The following CHD6 variants were observed in gnomAD, a reference collection of about 807,000 sequenced individuals.
CHD6 encodes the protein chromodomain helicase DNA binding protein 6.
A neutral mutation model predicts 276.9 loss-of-function variants in CHD6; 50 were observed. The ratio of observed to expected loss-of-function variants is 0.18; its 90% CI spans 0.14 to 0.23. CHD6 has a LOEUF of 0.23. Ranked by LOEUF, CHD6 falls within the 10% of genes least tolerant of loss-of-function variation. The pLI is 1.00. For synonymous variants in CHD6, 1,173 were observed against 1,229.3 expected (o/e 0.95, Z 0.96); for missense variants, 2,564 against 3,365.8 (o/e 0.76, Z 5.89).
intron 5 of CHD6, among the ~76,000 whole-genome samples, chr20:41,511,356 T>C (rs12625752): frequency 0.13 from 20,382 of 152,200 alleles, 1,594 homozygotes; most frequent in East Asian, 0.18. Context: ...CCCTCCTACA[T>C]GCACAGCCTG....
At chr20:41,504,401 T>G (rs1277369379) in intron 5 of CHD6, among the ~76,000 whole-genome samples, 1 of 136,072 alleles carries the variant, frequency 7.3e-6, no homozygotes, top group Non-Finnish European at 1.6e-5. Context: ...TTCCTCTATT[T>G]TCTTTTTTTT....
intron 16 of CHD6, among the ~76,000 whole-genome samples, chr20:41,480,396 A>T (rs2043267810): frequency 6.6e-6 from 1 of 152,230 alleles, no homozygotes; most frequent in Non-Finnish European, 1.5e-5. Context: ...ATAGAAAAAT[A>T]AGCAATCAAA....
At chr20:41,569,782 T>G (rs956553727) in intron 1 of CHD6, among the ~76,000 whole-genome samples, 1 of 152,170 alleles carries the variant, frequency 6.6e-6, no homozygotes, top group Non-Finnish European at 1.5e-5. Context: ...ACTATTTACA[T>G]ATAGCATTTA....
chr20:41,458,430 T>C (rs889415161), intron 17 of CHD6, among the ~76,000 whole-genome samples: 1 of 152,232 alleles, frequency 6.6e-6, no homozygotes, highest in Admixed American at 6.5e-5. Flanking sequence ...CACATTTGGC[T>C]CATGGGAGCC....
chr20:41,609,258 G>A (rs1320931363), intron 1 of CHD6, among the ~76,000 whole-genome samples: 2 of 152,142 alleles, frequency 1.3e-5, no homozygotes, highest in Non-Finnish European at 2.9e-5. Flanking sequence ...CCTGGGCAAC[G>A]TAAGAGACCC....
chr20:41,566,017 G>T (rs983716488), intron 1 of CHD6, among the ~76,000 whole-genome samples: 1 of 152,078 alleles, frequency 6.6e-6, no homozygotes, highest in Non-Finnish European at 1.5e-5. Flanking sequence ...GTAAGACAAC[G>T]CATTTGGTTT....
intron 8 of CHD6, among the ~76,000 whole-genome samples, chr20:41,494,861 G>C (rs550310920): frequency 6.6e-6 from 1 of 152,128 alleles, no homozygotes; most frequent in Non-Finnish European, 1.5e-5. Flanking sequence ...ATTCACTGTC[G>C]AAACAGCTTT....
chr20:41,552,533 T>C (rs1422158677), intron 1 of CHD6, among the ~76,000 whole-genome samples: 5 of 152,192 alleles, frequency 3.3e-5, no homozygotes, highest in Non-Finnish European at 7.3e-5. Flanking sequence ...CAACCATAAT[T>C]TGTCAATTTG....
chr20:41,414,247 T>C (rs1033268944), intron 34 of CHD6: 5 of 152,218 alleles, frequency 3.3e-5, no homozygotes, highest in East Asian at 1.9e-4. Context: ...TCTCAGCCCC[T>C]AGAGAAAAAG....
At chr20:41,414,853 A>G (rs749435305) in intron 34 of CHD6, 45 of 1,182,302 alleles carry the variant, frequency 3.8e-5, no homozygotes, top group Non-Finnish European at 4.6e-5. Context: ...TACCCCGGAG[A>G]AAAGCCGCTG....
At chr20:41,492,040 C>T (rs1041353721) in intron 10 of CHD6, among the ~76,000 whole-genome samples, 3 of 152,176 alleles carry the variant, frequency 2.0e-5, no homozygotes, top group African/African-American at 7.2e-5. Context: ...TTACAATTAG[C>T]TTCAGAATGA....
intron 3 of CHD6, among the ~76,000 whole-genome samples, chr20:41,521,247 A>T (rs751228359): frequency 5.3e-5 from 8 of 152,244 alleles, no homozygotes; most frequent in African/African-American, 9.6e-5. Context: ...TTAATTGATT[A>T]ACACAGCATT....
chr20:41,456,024 G>A, intron 18 of CHD6, 45 bp from the exon 19 acceptor site: 2 of 1,451,374 alleles, frequency 1.4e-6, no homozygotes, highest in Middle Eastern at 1.9e-4. Flanking sequence ...AAAATGTATA[G>A]GAGAAAAACA....
intron 1 of CHD6, among the ~76,000 whole-genome samples, chr20:41,574,848 C>G (rs1479430365): frequency 6.6e-6 from 1 of 152,168 alleles, no homozygotes; most frequent in African/African-American, 2.4e-5. Context: ...AAGGCCGATT[C>G]ACGCCTACAG....
At chr20:41,536,718 T>C (rs1285154106) in intron 2 of CHD6, among the ~76,000 whole-genome samples, 1 of 152,154 alleles carries the variant, frequency 6.6e-6, no homozygotes. Flanking sequence ...TTAAAAAAAA[T>C]TAAGCATATT....
At chr20:41,432,160 CAAAAAAAAA>C (rs572447937) in intron 27 of CHD6, among the ~76,000 whole-genome samples, 3 of 58,978 alleles carry the variant, frequency 5.1e-5, no homozygotes, top group South Asian at 6.5e-4. Context: ...AACTCCGTCT[CAAAAAAAAA>C]AAAAAAAAAA....
intron 2 of CHD6, among the ~76,000 whole-genome samples, chr20:41,549,108 A>G (rs2045102405): frequency 1.3e-5 from 2 of 151,992 alleles, no homozygotes; most frequent in Non-Finnish European, 2.9e-5. Flanking sequence ...ATCTAGAACT[A>G]GAAATACCAT....
intron 1 of CHD6, among the ~76,000 whole-genome samples, chr20:41,579,437 C>CAAAAAAAAAAAAAAAAAAAAA (rs574347177): frequency 1.4e-5 from 1 of 69,972 alleles, no homozygotes; most frequent in African/African-American, 6.2e-5. Context: ...GACTCTGTCT[C>CAAAAAAAAAAAAAAAAAAAAA]AAAAAAAAAA....
chr20:41,571,177 A>G (rs1405574482), intron 1 of CHD6, among the ~76,000 whole-genome samples: 1 of 152,170 alleles, frequency 6.6e-6, no homozygotes, highest in Non-Finnish European at 1.5e-5. Flanking sequence ...CATGACAAAG[A>G]TAAAAGCAAA....
Sources: gnomAD v4.1 joint callset for allele counts (sites outside exome capture counted in the v4.1 genomes callset) on GRCh38, gnomAD v4.1.1 for gene constraint, MANE v1.5 for transcripts, NCBI Gene and HGNC (gene_info 2026-07-23, HGNC 2026-07-21) for gene names.